Variants in PCDHGA12 observed in about 807,000 individuals in gnomAD.
The protein encoded by PCDHGA12 is protocadherin gamma subfamily A, 12.
PCDHGA12 carries 43 observed loss-of-function variants against 61.1 expected under a neutral mutation model. The observed-to-expected ratio is 0.70, with a 90% confidence interval of 0.55 to 0.91. The LOEUF is 0.91. PCDHGA12 is among the 40% of genes least tolerant of loss of function. The pLI is 0.00. For synonymous variants in PCDHGA12, 520 were observed against 542.9 expected (o/e 0.96, Z 0.59); for missense variants, 1,236 against 1,227.7 (o/e 1.01, Z -0.10).
intron 1 of PCDHGA12, chr5:141,441,260 A>G (rs1217151195): frequency 1.3e-5 from 2 of 152,222 alleles, no homozygotes; most frequent in Non-Finnish European, 2.9e-5. Context: ...AAATCACAAG[A>G]TCTGGATTCG....
chr5:141,494,142 A>G (rs2099752161), intron 1 of PCDHGA12, among the ~76,000 whole-genome samples: 1 of 152,090 alleles, frequency 6.6e-6, no homozygotes, highest in South Asian at 2.1e-4. Context: ...TTAGTCACAG[A>G]CCATTGTCTG....
At chr5:141,505,302 G>A (rs1733345360) in intron 2 of PCDHGA12, 91 bp from the exon 3 acceptor site, 1 of 1,592,596 alleles carries the variant, frequency 6.3e-7, no homozygotes, top group Admixed American at 1.7e-5. Flanking sequence ...TAGGGTTAGG[G>A]TACTAGGTTT....
intron 1 of PCDHGA12, among the ~76,000 whole-genome samples, chr5:141,447,749 T>G (rs1462661604): frequency 6.6e-6 from 1 of 152,196 alleles, no homozygotes; most frequent in Non-Finnish European, 1.5e-5. Context: ...GAGTCTTGCA[T>G]GTGACTGTAT....
At position 141,431,321 on chromosome 5, in the gene PCDHGA12, G is replaced by T. The variant is rs112186927; in HGVS notation, c.562G>T (p.Gly188Cys). 1,258 of 1,614,054 alleles carry T rather than the reference G, an allele frequency of 7.8e-4. 11 individuals are homozygous for T. In the African/African-American group the frequency reaches 0.014, roughly 18 times the overall value. ...FSLIVQNGAD[G>C]SKYPELVLKR... Reference sequence around the variant, plus strand: ...CCTCATCGTGCAAAATGGAGCCGACGGTAGTAAGTACCCCGAATTGGTGCT... The same window carrying T: ...CCTCATCGTGCAAAATGGAGCCGACTGTAGTAAGTACCCCGAATTGGTGCT... Residue 188 changes from glycine (G) to cysteine (C), a missense_variant, in exon 1 of 4, where the codon GGT (glycine) becomes TGT (cysteine). By Grantham distance (159) the Gly-to-Cys change is radical. Transcript: ENST00000252085. This position sits in a 1 kb window ranked among gnomAD's most constrained non-coding sequence, Gnocchi z 4.8.
At chr5:141,480,205 A>G (rs2099514310) in intron 1 of PCDHGA12, among the ~76,000 whole-genome samples, 1 of 151,108 alleles carries the variant, frequency 6.6e-6, no homozygotes, top group Admixed American at 6.6e-5. Flanking sequence ...GCAGTTCAAG[A>G]CCAGCCTGAG....
intron 2 of PCDHGA12, among the ~76,000 whole-genome samples, chr5:141,496,008 C>CT (rs1468405718): frequency 2.0e-5 from 3 of 151,956 alleles, no homozygotes; most frequent in Non-Finnish European, 4.4e-5. Flanking sequence ...TTTATCTTGT[C>CT]TTTTTTCTCT....
intron 1 of PCDHGA12, among the ~76,000 whole-genome samples, chr5:141,444,062 A>G (rs1335403906): frequency 6.7e-6 from 1 of 149,402 alleles, no homozygotes; most frequent in African/African-American, 2.5e-5. Context: ...TTCAATCTAG[A>G]TTCTGATGCT....
intron 1 of PCDHGA12, among the ~76,000 whole-genome samples, chr5:141,479,998 G>A (rs2099511091): frequency 6.6e-6 from 1 of 152,272 alleles, no homozygotes; most frequent in South Asian, 2.1e-4. Flanking sequence ...AGGAGTCTGT[G>A]GCCAAGTTAC....
chr5:141,431,932 C>T lies in PCDHGA12; in HGVS notation c.1173C>T (p.Pro391=). 2 of 1,614,172 alleles carry T rather than the reference C, an allele frequency of 1.2e-6. No individual in the cohort carries two copies. The highest frequency in any genetic ancestry group is 1.7e-6 in the Non-Finnish European group (2 of 1,180,002). Residue 391 remains proline (P), a synonymous_variant, in exon 1 of 4, where the codon CCC becomes CCT. Coordinates refer to ENST00000252085, the MANE Select transcript of PCDHGA12 (RefSeq NM_003735.3). This position sits in a 1 kb window ranked among gnomAD's most constrained non-coding sequence, Gnocchi z 4.8. The stretch of plus-strand genomic sequence containing the variant: ...TCTGTTTCATCCAAGGAAATCTGCC[C>T]TTTAAATTAGAAAAATCTTACGGAA... ...QVICFIQGNL[P]FKLEKSYGNY... is the part of the protein sequence containing the mutation.
rs1025148587 is a variant in PCDHGA12, at chr5:141,431,434, C to T, written c.675C>T (p.Thr225=). ...SDGGDPVRTG[T]ARIRVMVLDA... ...GGGGCGACCCGGTGCGCACAGGCAC[C>T]GCGCGCATCCGCGTGATGGTTCTGG... Residue 225 remains threonine, a synonymous_variant, in exon 1 of 4, where the codon ACC becomes ACT. Transcript: ENST00000252085. This position sits in a 1 kb window ranked among gnomAD's most constrained non-coding sequence, Gnocchi z 4.8. The T allele has an allele frequency of 6.2e-7, 1 of 1,613,690 alleles. No homozygotes were observed. The highest frequency in any genetic ancestry group is 1.3e-5 in the African/African-American group (1 of 75,072).
At chr5:141,450,829 A>ATT (rs373424450) in intron 1 of PCDHGA12, among the ~76,000 whole-genome samples, 8,685 of 135,030 alleles carry the variant, frequency 0.064, 328 homozygotes, top group South Asian at 0.088. Context: ...TATTATTATT[A>ATT]TTTTTTTTTT....
chr5:141,472,980 C>CAAAAAAAAAAAAAAAAAGAAAAAAAAA (rs2099309731), intron 1 of PCDHGA12, among the ~76,000 whole-genome samples: 1 of 86,106 alleles, frequency 1.2e-5, no homozygotes, highest in Non-Finnish European at 2.5e-5. Flanking sequence ...GAGTGAAACT[C>CAAAAAAAAAAAAAAAAAGAAAAAAAAA]AAAAAAAAAA....
At chr5:141,501,423 A>C (rs1195105794) in intron 2 of PCDHGA12, among the ~76,000 whole-genome samples, 1 of 151,966 alleles carries the variant, frequency 6.6e-6, no homozygotes, top group Non-Finnish European at 1.5e-5. Flanking sequence ...AGTTGACTAA[A>C]TGTAGTCCAT....
chr5:141,460,959 A>G (rs892536901), intron 1 of PCDHGA12, among the ~76,000 whole-genome samples: 2 of 126,082 alleles, frequency 1.6e-5, no homozygotes, highest in African/African-American at 7.1e-5. Context: ...ATGTATATAT[A>G]TATGTGTGTG....
intron 1 of PCDHGA12, chr5:141,441,038 G>T (rs1263659082): frequency 1.3e-5 from 2 of 152,156 alleles, no homozygotes; most frequent in Non-Finnish European, 2.9e-5. Flanking sequence ...AAAACTTTAA[G>T]TACATTGGAC....
At position 141,487,557 on chromosome 5, in the gene PCDHGA12, T is replaced by C. The variant is rs751511771; in HGVS notation, c.2425-7250T>C. On this transcript the variant is annotated intron_variant, in intron 1 of 3. Coordinates refer to ENST00000252085, the MANE Select transcript of PCDHGA12 (RefSeq NM_003735.3). The surrounding 1 kb of genome is among the most constrained non-coding windows in gnomAD (Gnocchi z 5.0). The stretch of plus-strand genomic sequence containing the variant: ...ATGGTGAAGTCACCCAGTGCACCTA[T>C]GGCAGGGGAGCCTGTTCGCCCAAGC... The C allele has an allele frequency of 1.9e-5, 31 of 1,614,060 alleles. No homozygotes were observed. In the East Asian group the frequency reaches 4.2e-4, roughly 22 times the overall value.
At position 141,485,359 on chromosome 5, in the gene PCDHGA12, C is replaced by G. The variant is rs1233826208; in HGVS notation, c.2425-9448C>G. 6.2e-7 allele frequency: 1 copy of G among 1,614,026 alleles called. No individual in the cohort carries two copies. The highest frequency in any genetic ancestry group is 8.5e-7 in the Non-Finnish European group (1 of 1,180,018). On this transcript the variant is annotated intron_variant, in intron 1 of 3. Transcript: ENST00000252085. This position sits in a 1 kb window ranked among gnomAD's most constrained non-coding sequence, Gnocchi z 5.7. ...TGGATACGGACAGTCTGTCAGCTCG[C>G]AGGCTGCAGGTCGCTGGAGAGGTGA...
chr5:141,478,101 T>G, intron 1 of PCDHGA12: 1 of 1,614,018 alleles, frequency 6.2e-7, no homozygotes, highest in Middle Eastern at 1.6e-4. Flanking sequence ...ACTGCTACCC[T>G]CACTGTGTCA....
In PCDHGA12 at chr5:141,487,237, T is replaced by A. The variant is rs1327004790; in HGVS notation, c.2425-7570T>A. 1.2e-6 allele frequency: 2 copies of A among 1,614,122 alleles called. No individual in the cohort carries two copies. The highest frequency in any genetic ancestry group is 1.7e-6 in the Non-Finnish European group (2 of 1,179,980). On this transcript the variant is annotated intron_variant, in intron 1 of 3. Coordinates refer to ENST00000252085, the MANE Select transcript of PCDHGA12 (RefSeq NM_003735.3). This position sits in a 1 kb window ranked among gnomAD's most constrained non-coding sequence, Gnocchi z 5.0. ...CAGCTCCAAGGGAAGGAGAATCTCGTCTAACCCTCTACTTGGCTGTGTCCC... is the reference window on the plus strand; with the variant it reads ...CAGCTCCAAGGGAAGGAGAATCTCGACTAACCCTCTACTTGGCTGTGTCCC...
Sources: gnomAD v4.1 joint callset for allele counts (sites outside exome capture counted in the v4.1 genomes callset) on GRCh38, gnomAD v4.1.1 for gene constraint, Gnocchi (gnomAD v3.1) non-coding constraint, MANE v1.5 for transcripts, NCBI Gene and HGNC (gene_info 2026-07-23, HGNC 2026-07-21) for gene names.